Variants in DIS3L observed in about 807,000 individuals in gnomAD.
The protein encoded by DIS3L is DIS3 like exosome 3'-5' exoribonuclease.
DIS3L carries 100 observed loss-of-function variants against 120.3 expected under a neutral mutation model. The observed-to-expected ratio is 0.83, with a 90% confidence interval of 0.71 to 0.98. DIS3L has a LOEUF of 0.98. Among genes scored for constraint, DIS3L ranks in the 50% least tolerant of loss-of-function variants. DIS3L has a pLI of 0.00. For synonymous variants in DIS3L, 426 were observed against 470.6 expected (o/e 0.91, Z 1.23); for missense variants, 1,196 against 1,314.2 (o/e 0.91, Z 1.39).
chr15:66,293,920 C>T (rs2092553454), intron 1 of DIS3L, 185 bp downstream of exon 1: 1 of 999,238 alleles, frequency 1.0e-6, no homozygotes, highest in African/African-American at 1.7e-5. Flanking sequence ...GGCCCGGGTC[C>T]GCGGCTTCTG....
At chr15:66,319,567 A>G (rs977575242) in intron 8 of DIS3L, among the ~76,000 whole-genome samples, 60 of 152,354 alleles carry the variant, frequency 3.9e-4, no homozygotes, top group African/African-American at 1.4e-3. Flanking sequence ...ATTAACCTTT[A>G]CTTGTGTCAA....
chr15:66,299,545 CAA>C (rs34499239), intron 2 of DIS3L, among the ~76,000 whole-genome samples: 21 of 88,000 alleles, frequency 2.4e-4, no homozygotes, highest in Admixed American at 3.5e-4. Flanking sequence ...AACTCCATCT[CAA>C]AAAAAAAAAA....
intron 4 of DIS3L, 55 bp from the exon 5 acceptor site, chr15:66,311,669 T>C (rs949589205): frequency 5.6e-6 from 9 of 1,599,496 alleles, no homozygotes; most frequent in Non-Finnish European, 6.8e-6. Context: ...CATAGTACCA[T>C]GGTGAAGAAT....
intron 8 of DIS3L, among the ~76,000 whole-genome samples, chr15:66,319,252 T>C (rs1362230671): frequency 1.3e-5 from 2 of 152,194 alleles, no homozygotes; most frequent in East Asian, 1.9e-4. Context: ...GATTCTGTTT[T>C]TTAAAAATTC....
chr15:66,297,216 G>C (rs911409670), intron 2 of DIS3L, among the ~76,000 whole-genome samples: 11 of 152,212 alleles, frequency 7.2e-5, no homozygotes, highest in African/African-American at 2.7e-4. Flanking sequence ...GAATACATAA[G>C]ATCTGAGAGA....
Position 66,329,241 on chromosome 15 carries a change from A to T in DIS3L, c.2377A>T (p.Thr793Ser), listed in dbSNP as rs2092972865. Residue 793 changes from threonine to serine, a missense_variant, in exon 14 of 17, where the codon ACC (threonine) becomes TCC (serine). By Grantham distance (58) the Thr-to-Ser change is moderately conservative. Transcript: ENST00000319212. ...HHYGLALDKY[T>S]HFTSPIRRYS... is the part of the protein sequence containing the mutation. ...TGAAGGTCTTGCATTAGATAAATATACCCACTTTACTTCTCCAATAAGAAG... is the reference window on the plus strand; with the variant it reads ...TGAAGGTCTTGCATTAGATAAATATTCCCACTTTACTTCTCCAATAAGAAG... 3.1e-6 allele frequency: 5 copies of T among 1,604,552 alleles called. No individual in the cohort carries two copies. In the African/African-American group the frequency reaches 6.7e-5, roughly 22 times the overall value.
rs972259949 is a variant in DIS3L, at chr15:66,294,276, G to T, written c.139+541G>T. 17 of 985,380 alleles carry T rather than the reference G, an allele frequency of 1.7e-5. No homozygotes were observed. In the African/African-American group the frequency reaches 3.0e-4, roughly 17 times the overall value. 61.0% of individuals were successfully genotyped at this position (985,380 alleles called of 1,614,324 possible). A position where few individuals can be genotyped will look rare whatever the true frequency, so the allele number is the denominator to read the frequency against. On this transcript the variant is annotated intron_variant, in intron 1 of 16. Transcript: ENST00000319212. ...CTCTGGGCCCGCACTGGAGCGGAAG[G>T]TCACGGGGAAGTTGGACTGGGGACT...
intron 1 of DIS3L, 164 bp downstream of exon 1, chr15:66,293,899 G>A: frequency 1.0e-6 from 1 of 1,001,826 alleles, no homozygotes; most frequent in Non-Finnish European, 1.2e-6. Context: ...CTCTGCCGGT[G>A]GGGACCCAGC....
rs372686726 is a variant in DIS3L at position 66,311,729 on chromosome 15, C to T, written c.564C>T (p.Tyr188=). The T allele has an allele frequency of 3.1e-6, 5 of 1,613,904 alleles. No individual in the cohort carries two copies. The highest frequency in any genetic ancestry group is 4.2e-6 in the Non-Finnish European group (5 of 1,179,940). Residue 188 remains tyrosine, a synonymous_variant, in exon 5 of 17, where the codon TAC becomes TAT. Transcript: ENST00000319212. ...TGTGCCTTTATTAAATACAGAATTA[C>T]CTGGACAATTTCTGGCCTGATTTAA... The part of the protein sequence containing the change: ...EGVFVITFKN[Y]LDNFWPDLKA...
chr15:66,332,709 T>C lies in DIS3L; in HGVS notation c.2682-27T>C, dbSNP rs777231696. 5 of 1,571,266 alleles carry C rather than the reference T, an allele frequency of 3.2e-6. No individual in the cohort carries two copies. In the Middle Eastern group the frequency reaches 8.5e-4, roughly 268 times the overall value. On this transcript the variant is annotated intron_variant, in intron 15 of 16. Transcript: ENST00000319212. ...CTGTGTACTAAGAATACATTGTCTCTGGATTTATATTCTGGTCATAATATA... is the reference window on the plus strand; with the variant it reads ...CTGTGTACTAAGAATACATTGTCTCCGGATTTATATTCTGGTCATAATATA...
rs2092562091 is a variant in DIS3L at position 66,294,380 on chromosome 15, G to A, written c.140-608G>A. On this transcript the variant is annotated intron_variant, in intron 1 of 16. Coordinates refer to ENST00000319212, the MANE Select transcript of DIS3L (RefSeq NM_001143688.3). ...CACGTTACTGGCTCTCTTCCCCCAT[G>A]GGAGGATGAGAATGGGCTGGGGGTC... 4 of 985,626 alleles carry A rather than the reference G, an allele frequency of 4.1e-6. No individual in the cohort carries two copies. The South Asian group carries it at 1.9e-4, about 46-fold the overall frequency. The allele number at this position is 985,626 out of a possible 1,614,324, so 61.1% of individuals were successfully genotyped here. A position where few individuals can be genotyped will look rare whatever the true frequency, so the allele number is the denominator to read the frequency against.
chr15:66,322,076 AT>A (rs1217427297), intron 9 of DIS3L, among the ~76,000 whole-genome samples: 1 of 152,150 alleles, frequency 6.6e-6, no homozygotes, highest in African/African-American at 2.4e-5. Flanking sequence ...GTTTCTGGAA[AT>A]TATTTGTTGA....
intron 2 of DIS3L, among the ~76,000 whole-genome samples, chr15:66,299,907 A>C (rs1219429606): frequency 6.6e-6 from 1 of 151,818 alleles, no homozygotes; most frequent in African/African-American, 2.4e-5. Flanking sequence ...AAAATTAGCC[A>C]GCTGTGTGTG....
At position 66,320,683 on chromosome 15, in the gene DIS3L, C is replaced by T. The variant is rs2092874263; in HGVS notation, c.1277C>T (p.Thr426Ile). 3.1e-6 allele frequency: 5 copies of T among 1,614,072 alleles called. No homozygotes were observed. The highest frequency in any genetic ancestry group is 4.2e-6 in the Non-Finnish European group (5 of 1,179,988). ...GGAGATCTGGAAGGGGAAATTGCAACCATCCTGGTGGAAAACAGTATTTCA... is the reference window on the plus strand; with the variant it reads ...GGAGATCTGGAAGGGGAAATTGCAATCATCCTGGTGGAAAACAGTATTTCA... ...RIGDLEGEIA[T>I]ILVENSISVI... The change falls in exon 9 of 17, where the codon ACC becomes ATC. Residue 426 changes from threonine (T) to isoleucine (I), a missense_variant. Transcript: ENST00000319212.
chr15:66,298,753 C>G (rs1595713149), intron 2 of DIS3L, among the ~76,000 whole-genome samples: 1 of 152,216 alleles, frequency 6.6e-6, no homozygotes, highest in South Asian at 2.1e-4. Flanking sequence ...AGGAGTCCCC[C>G]TGACAACTCT....
chr15:66,299,261 G>T (rs1324225249), intron 2 of DIS3L, among the ~76,000 whole-genome samples: 1 of 152,136 alleles, frequency 6.6e-6, no homozygotes, highest in Non-Finnish European at 1.5e-5. Flanking sequence ...GTCCTGAAAG[G>T]ATTACTCAGC....
At chr15:66,329,616 G>T in intron 14 of DIS3L, 1 of 1,251,010 alleles carries the variant, frequency 8.0e-7, no homozygotes, top group Non-Finnish European at 1.0e-6. Context: ...CCGAAAGGTG[G>T]AAATGTAAAG....
rs769054730 is a variant in DIS3L, at chr15:66,318,424, C to CTTGTT, written c.995-11_995-7dup. The stretch of plus-strand genomic sequence containing the variant: ...TAGATGGCACCTAACCAGTTAATGC[C>CTTGTT]TTGTTTTGTTTTGTTTTGCCAAAGG... On this transcript the variant is annotated intron_variant, in intron 7 of 16. Coordinates refer to ENST00000319212, the MANE Select transcript of DIS3L (RefSeq NM_001143688.3). 4.4e-6 allele frequency: 7 copies of CTTGTT among 1,608,530 alleles called. No individual in the cohort carries two copies. In the African/African-American group the frequency reaches 5.4e-5, roughly 12 times the overall value.
chr15:66,308,983 GCCTGTAATC>G (rs1413353472), intron 4 of DIS3L, 139 bp downstream of exon 4: 4 of 856,682 alleles, frequency 4.7e-6, no homozygotes, highest in Non-Finnish European at 3.3e-6. Flanking sequence ...GGTGGCTCAT[GCCTGTAATC>G]CCAGCACTTG....
Sources: gnomAD v4.1 joint callset for allele counts (sites outside exome capture counted in the v4.1 genomes callset) on GRCh38, gnomAD v4.1.1 for gene constraint, MANE v1.5 for transcripts, NCBI Gene and HGNC (gene_info 2026-07-23, HGNC 2026-07-21) for gene names.